SLC47A2: variants seen among roughly 807,000 people sequenced by gnomAD.
SLC47A2 encodes multidrug and toxin extrusion protein 2.
Under a neutral mutation model 67.7 loss-of-function variants are expected in SLC47A2, and 52 were observed. That is an observed-to-expected ratio of 0.77 (90% confidence interval 0.61 to 0.97). The LOEUF is 0.97. Ranked by LOEUF, SLC47A2 falls within the 50% of genes least tolerant of loss-of-function variation. The pLI is 0.00. For missense variants in SLC47A2, 676 were observed against 712.3 expected (o/e 0.95, Z 0.58); for synonymous variants, 278 against 292.9 (o/e 0.95, Z 0.52).
chr17:19,717,823 A>T (rs2086297980), upstream of SLC47A2: 1 of 152,144 alleles, frequency 6.6e-6, no homozygotes, highest in Non-Finnish European at 1.5e-5. Flanking sequence ...GAAACGCTCC[A>T]CTGGATCCTC....
intron 6 of SLC47A2, 41 bp downstream of exon 6, chr17:19,708,675 G>A (rs1471765949): frequency 1.2e-6 from 2 of 1,612,818 alleles, no homozygotes; most frequent in East Asian, 2.2e-5. Context: ...ATAGGGCAGT[G>A]TGCTGGGAGA....
chr17:19,694,060 A>T (rs80256521), intron 13 of SLC47A2, among the ~76,000 whole-genome samples: 3,475 of 152,304 alleles, frequency 0.023, 72 homozygotes, highest in African/African-American at 0.052. Flanking sequence ...TCTTTGGGAT[A>T]AATTTAACAA....
intron 13 of SLC47A2, among the ~76,000 whole-genome samples, chr17:19,691,339 A>C (rs2085536229): frequency 1.3e-5 from 2 of 152,232 alleles, no homozygotes; most frequent in African/African-American, 4.8e-5. Flanking sequence ...CGAGATTTGC[A>C]AGCAACCTAA....
chr17:19,683,739 A>G (rs1481502910), intron 13 of SLC47A2, among the ~76,000 whole-genome samples: 2 of 152,216 alleles, frequency 1.3e-5, no homozygotes, highest in Non-Finnish European at 2.9e-5. Flanking sequence ...TCTCTAGCCC[A>G]CACATGGATC....
chr17:19,702,357 G>T, intron 13 of SLC47A2: 1 of 985,360 alleles, frequency 1.0e-6, no homozygotes, highest in East Asian at 1.1e-4. Flanking sequence ...TTACACTGCT[G>T]CAATTTTTCA....
At chr17:19,680,090 C>G (rs766686370) in intron 15 of SLC47A2, 51 bp from the exon 16 acceptor site, 1 of 1,556,478 alleles carries the variant, frequency 6.4e-7, no homozygotes, top group Non-Finnish European at 8.8e-7. Context: ...AACAGTTCAC[C>G]CCTTCACTGC....
At chr17:19,697,751 C>CTT (rs563463732) in intron 13 of SLC47A2, among the ~76,000 whole-genome samples, 8 of 136,464 alleles carry the variant, frequency 5.9e-5, no homozygotes, top group African/African-American at 1.1e-4. Context: ...CTATGCCCAG[C>CTT]TTTTTTTTTT....
At position 19,697,464 on chromosome 17, in the gene SLC47A2, G is replaced by T. The variant is rs1460060574; in HGVS notation, c.1164+5141C>A. 3.3e-5 allele frequency among the ~76,000 whole-genome samples: 5 copies of T among 152,138 alleles called. No homozygotes were observed. The East Asian group carries it at 7.7e-4, about 23-fold the overall frequency. ...AAAAACAAAAAGACAACCAAAAAAAGTTCTATCTCTCAACACTGTTACATA... is the reference window on the plus strand; with the variant it reads ...AAAAACAAAAAGACAACCAAAAAAATTTCTATCTCTCAACACTGTTACATA... On this transcript the variant is annotated intron_variant, in intron 13 of 16. Coordinates refer to ENST00000433844, the MANE Select transcript of SLC47A2 (RefSeq NM_001099646.3).
rs1278310568 is a variant in SLC47A2, at chr17:19,681,548, C to T, written c.1287G>A (p.Met429Ile). ...LGILLTFVVRMRIMGLWLGML... is the reference protein window; with the variant it reads ...LGILLTFVVRIRIMGLWLGML... Reference sequence around the variant, plus strand: ...CCTCACACCACATACCCATGATTCTCATTCTGACCACAAAGGTCAGAAGGA... The same window carrying T: ...CCTCACACCACATACCCATGATTCTTATTCTGACCACAAAGGTCAGAAGGA... The change falls in exon 14 of 17, where the codon ATG becomes ATA. Residue 429 changes from methionine to isoleucine, a missense_variant. By Grantham distance (10) the Met-to-Ile change is conservative. Coordinates refer to ENST00000433844, the MANE Select transcript of SLC47A2 (RefSeq NM_001099646.3). 2.5e-6 allele frequency: 4 copies of T among 1,614,104 alleles called. No homozygotes were observed. Among genetic ancestry groups the T allele is most frequent in the Non-Finnish European group, 3.4e-6 (4 of 1,180,054 alleles).
chr17:19,692,349 A>T (rs1200533889), intron 13 of SLC47A2: 1 of 414,208 alleles, frequency 2.4e-6, no homozygotes, highest in Non-Finnish European at 4.7e-6. Flanking sequence ...AAAATCAGAA[A>T]TGAAAATGAG....
rs760298590 is a variant in SLC47A2 at position 19,678,848 on chromosome 17, G to T, written c.1539C>A (p.His513Gln). The change falls in exon 17 of 17, where the codon CAC becomes CAA. Residue 513 changes from histidine to glutamine, a missense_variant. Coordinates refer to ENST00000433844, the MANE Select transcript of SLC47A2 (RefSeq NM_001099646.3). The stretch of plus-strand genomic sequence containing the variant: ...CCTCTGGAGTCCTGAAGAAGTCCAC[G>T]TGGCACTCAGACCTTGAATACGTTG... Reference protein sequence around the residue: ...TLTTYSRSECHVDFFRTPEEA... With the variant: ...TLTTYSRSECQVDFFRTPEEA... 6.2e-7 allele frequency: 1 copy of T among 1,610,858 alleles called. No homozygotes were observed. The highest frequency in any genetic ancestry group is 1.1e-5 in the South Asian group (1 of 90,554).
Position 19,681,651 on chromosome 17 carries a change from A to G in SLC47A2, c.1184T>C (p.Leu395Pro). 6.2e-7 allele frequency: 1 copy of G among 1,613,728 alleles called. No individual in the cohort carries two copies. Among genetic ancestry groups the G allele is most frequent in the Non-Finnish European group, 8.5e-7 (1 of 1,179,692 alleles). ...AAAGGCCTGCTTCCCAGTTCCTCTC[A>G]GAACTCCGCCATAGACACACTAGGA... ...EAICCVYGGV[L>P]RGTGKQAFGA... The change falls in exon 14 of 17, where the codon CTG (leucine) becomes CCG (proline). Residue 395 changes from leucine to proline, a missense_variant. Transcript: ENST00000433844.
At position 19,712,732 on chromosome 17, in the gene SLC47A2, A is replaced by G; in HGVS notation, c.457T>C (p.Tyr153His). ...DPDVSRLTQD[Y>H]VMIFIPGLPV... is the part of the protein sequence containing the mutation. ...AGTCCTGGAATGAAAATCATTACAT[A>G]GTCCTGGGTCAACCTGCAAGAGAGG... Residue 153 changes from tyrosine to histidine, a missense_variant, in exon 5 of 17, where the codon TAT (tyrosine) becomes CAT (histidine). Physicochemically the swap from Tyr to His is moderately conservative, Grantham distance 83. Coordinates refer to ENST00000433844, the MANE Select transcript of SLC47A2 (RefSeq NM_001099646.3). 6.2e-7 allele frequency: 1 copy of G among 1,613,326 alleles called. No individual in the cohort carries two copies. The highest frequency in any genetic ancestry group is 2.2e-5 in the East Asian group (1 of 44,866).
chr17:19,717,981 C>G (rs2086300048), upstream of SLC47A2: 1 of 152,280 alleles, frequency 6.6e-6, no homozygotes, highest in Admixed American at 6.5e-5. Context: ...ATGATGACAC[C>G]AAACAGGAGG....
At chr17:19,682,503 C>G (rs146619591) in intron 13 of SLC47A2, among the ~76,000 whole-genome samples, 294 of 152,314 alleles carry the variant, frequency 1.9e-3, no homozygotes, top group Non-Finnish European at 3.3e-3. Context: ...AGAATTCCTT[C>G]TGTATTCATT....
rs80221837 is a variant in SLC47A2 at position 19,683,344 on chromosome 17, G to C, written c.1165-1674C>G. ...CCCCCACCAAACAAAGAGTTATCTG[G>C]TCTAAAGTGCCAGTAGTGCTGAGGT... On this transcript the variant is annotated intron_variant, in intron 13 of 16. Transcript: ENST00000433844. Among the ~76,000 whole-genome samples, 1,026 of 152,272 alleles carry C rather than the reference G, an allele frequency of 6.7e-3. 4 individuals carry two copies. The highest frequency in any genetic ancestry group is 0.026 in the East Asian group (135 of 5,180).
rs941301525 is a variant in SLC47A2 at position 19,703,543 on chromosome 17, C to T, written c.1019-376G>A. On this transcript the variant is annotated intron_variant, in intron 11 of 16. Transcript: ENST00000433844. ...CCAGCCCTCCAAGGGGATTCCAGCG[C>T]AGGCTACAGCCTAAGAACCACTGCT... Among the ~76,000 whole-genome samples, 12 of 152,382 alleles carry T rather than the reference C, an allele frequency of 7.9e-5. 1 individual carries two copies. Among genetic ancestry groups the T allele is most frequent in the Admixed American group, 7.8e-4 (12 of 15,308 alleles).
upstream of SLC47A2, chr17:19,716,658 G>A: frequency 7.0e-7 from 1 of 1,438,418 alleles, no homozygotes; most frequent in Non-Finnish European, 9.2e-7. Context: ...GGTACAGCCT[G>A]GCTGATGAGT....
At chr17:19,684,830 C>T (rs1274869246) in intron 13 of SLC47A2, among the ~76,000 whole-genome samples, 2 of 152,050 alleles carry the variant, frequency 1.3e-5, no homozygotes, top group African/African-American at 2.4e-5. Flanking sequence ...TCTCCCTCTC[C>T]CTCCCGCTCT....
Sources: allele counts gnomAD v4.1 joint callset (sites outside exome capture counted in the v4.1 genomes callset), GRCh38; gene constraint gnomAD v4.1.1; transcripts MANE v1.5; gene names NCBI Gene and HGNC (gene_info 2026-07-23, HGNC 2026-07-21).